Variants in PAX5 observed in about 807,000 individuals in gnomAD.
PAX5 encodes paired box 5.
A neutral mutation model predicts 43.7 loss-of-function variants in PAX5; 9 were observed. The ratio of observed to expected loss-of-function variants is 0.21; its 90% CI spans 0.12 to 0.36. The LOEUF is 0.36. Among genes scored for constraint, PAX5 ranks in the 10% least tolerant of loss-of-function variants. The probability of loss-of-function intolerance (pLI) is 1.00; values close to 1 mark genes in which losing one functional copy is unlikely to be tolerated. For synonymous variants in PAX5, 228 were observed against 214.3 expected, an observed-to-expected ratio of 1.06 and a Z score of -0.56; for missense variants, 383 against 532.7, an observed-to-expected ratio of 0.72 and a Z score of 2.77.
At chr9:36,922,431 G>A (rs964287670) in intron 7 of PAX5, among the ~76,000 whole-genome samples, 2 of 152,110 alleles carry the variant, frequency 1.3e-5, no homozygotes, top group Non-Finnish European at 2.9e-5. Flanking sequence ...CTGCCTGCCC[G>A]GTTGGACAAC....
chr9:36,937,746 T>C (rs1409639243), intron 6 of PAX5, among the ~76,000 whole-genome samples: 1 of 152,224 alleles, frequency 6.6e-6, no homozygotes, highest in African/African-American at 2.4e-5. Context: ...GGTTTCCAGA[T>C]AGGTTTAGCC....
At chr9:36,954,028 T>C (rs1045753549) in intron 6 of PAX5, among the ~76,000 whole-genome samples, 7 of 152,174 alleles carry the variant, frequency 4.6e-5, no homozygotes, top group Admixed American at 1.3e-4. Context: ...GCTGAGATCA[T>C]GCCACTGTAC....
chr9:36,876,591 C>T (rs556959328), intron 8 of PAX5, among the ~76,000 whole-genome samples: 1 of 152,196 alleles, frequency 6.6e-6, no homozygotes, highest in South Asian at 2.1e-4. Context: ...TGCAAAATAT[C>T]TTCAGGCAGG....
chr9:37,021,518 G>T (rs1307001850), intron 1 of PAX5, among the ~76,000 whole-genome samples: 3 of 152,170 alleles, frequency 2.0e-5, no homozygotes, highest in Admixed American at 2.0e-4. Context: ...TTGTTATAAA[G>T]GAGTTTCCCT....
chr9:36,990,635 G>T (rs760387520), intron 5 of PAX5, among the ~76,000 whole-genome samples: 2 of 152,226 alleles, frequency 1.3e-5, no homozygotes, highest in Non-Finnish European at 2.9e-5. Context: ...AGAGTGCTTG[G>T]ACTAAGGCAG....
At chr9:37,021,865 G>A (rs1424509821) in intron 1 of PAX5, among the ~76,000 whole-genome samples, 1 of 152,206 alleles carries the variant, frequency 6.6e-6, no homozygotes, top group Non-Finnish European at 1.5e-5. Context: ...GATGTTGCTG[G>A]CAGCTCAGAG....
chr9:37,014,852 C>T, intron 3 of PAX5, 145 bp downstream of exon 3: 3 of 747,584 alleles, frequency 4.0e-6, no homozygotes, highest in Non-Finnish European at 6.8e-6. Flanking sequence ...CCGAGCAGGC[C>T]CCATTAGCAT....
intron 5 of PAX5, among the ~76,000 whole-genome samples, chr9:36,982,240 G>A (rs1254933912): frequency 1.3e-5 from 2 of 151,780 alleles, no homozygotes; most frequent in Non-Finnish European, 2.9e-5. Context: ...CTCCGGCCTG[G>A]GCCACAGAGC....
intron 6 of PAX5, among the ~76,000 whole-genome samples, chr9:36,955,782 A>AT (rs1491208119): frequency 6.4e-4 from 85 of 132,518 alleles, no homozygotes; most frequent in African/African-American, 2.3e-3. Flanking sequence ...AAAAAAAAAA[A>AT]ATATATATAT....
Position 36,840,484 on chromosome 9 carries a change from C to T in PAX5, c.*76G>A. ...GGGGACGGTCTCATGGGCTCTCTGG[C>T]TATCTTCAGGAGGGCTGGGTGGCTG... On this transcript the variant is annotated 3_prime_UTR_variant, in exon 10 of 10. Transcript: ENST00000358127. 7.1e-6 allele frequency: 10 copies of T among 1,408,192 alleles called. No homozygotes were observed. The highest frequency in any genetic ancestry group is 1.4e-5 in the African/African-American group (1 of 71,190). The allele number at this position is 1,408,192 out of a possible 1,614,324, so 87.2% of individuals were successfully genotyped here.
At chr9:36,903,258 G>T (rs1298220076) in intron 7 of PAX5, among the ~76,000 whole-genome samples, 1 of 152,226 alleles carries the variant, frequency 6.6e-6, no homozygotes, top group Non-Finnish European at 1.5e-5. Context: ...GGCTGGGAAG[G>T]GTGGCTCACA....
chr9:36,963,522 C>T (rs1834147103), intron 6 of PAX5, among the ~76,000 whole-genome samples: 1 of 152,210 alleles, frequency 6.6e-6, no homozygotes, highest in African/African-American at 2.4e-5. Flanking sequence ...CACGCTGCCC[C>T]TGCGAGACTG....
chr9:36,885,447 C>T (rs1161371059), intron 7 of PAX5, among the ~76,000 whole-genome samples: 5 of 152,264 alleles, frequency 3.3e-5, no homozygotes, highest in East Asian at 1.9e-4. Context: ...TAATAGCCAG[C>T]GCTTACGGAG....
intron 9 of PAX5, 149 bp downstream of exon 9, chr9:36,846,694 G>A (rs1822607792): frequency 8.9e-6 from 5 of 561,840 alleles, no homozygotes; most frequent in Non-Finnish European, 1.3e-5. Flanking sequence ...AGGCCCCCAT[G>A]AAAACACCTG....
At chr9:36,999,172 T>TA (rs1837643754) in intron 5 of PAX5, among the ~76,000 whole-genome samples, 1 of 152,166 alleles carries the variant, frequency 6.6e-6, no homozygotes, top group Non-Finnish European at 1.5e-5. Flanking sequence ...CACATCTCTC[T>TA]ACCTCTCTCC....
At chr9:36,894,730 C>A (rs1827700896) in intron 7 of PAX5, among the ~76,000 whole-genome samples, 1 of 152,256 alleles carries the variant, frequency 6.6e-6, no homozygotes, top group South Asian at 2.1e-4. Context: ...AGTAAGGCCA[C>A]CATTGTTAAC....
chr9:36,945,497 T>TC (rs1398850677), intron 6 of PAX5, among the ~76,000 whole-genome samples: 1 of 152,220 alleles, frequency 6.6e-6, no homozygotes. Context: ...CACATTGGCC[T>TC]CCCACAGTGC....
chr9:36,993,458 C>T (rs1339534478), intron 5 of PAX5, among the ~76,000 whole-genome samples: 1 of 148,196 alleles, frequency 6.7e-6, no homozygotes. Flanking sequence ...TGAGATGGAA[C>T]CAGGAGAAAC....
At chr9:37,013,013 G>C (rs1839079055) in intron 3 of PAX5, among the ~76,000 whole-genome samples, 4 of 152,110 alleles carry the variant, frequency 2.6e-5, no homozygotes, top group Admixed American at 2.6e-4. Flanking sequence ...ACTTTGGGAG[G>C]CTGAGGTAGG....
Sources: gnomAD v4.1 joint callset for allele counts (sites outside exome capture counted in the v4.1 genomes callset) on GRCh38, gnomAD v4.1.1 for gene constraint, MANE v1.5 for transcripts, NCBI Gene and HGNC (gene_info 2026-07-23, HGNC 2026-07-21) for gene names.